DPH6: variants seen among roughly 807,000 people sequenced by gnomAD.
DPH6 encodes diphthamine biosynthesis 6.
Under a neutral mutation model 38.2 loss-of-function variants are expected in DPH6, and 33 were observed. The observed-to-expected ratio is 0.86, with a 90% CI of 0.65 to 1.15. DPH6 has a LOEUF of 1.15. Ranked by LOEUF, DPH6 falls within the 50% of genes most tolerant of loss-of-function variation. The pLI, the probability that DPH6 is intolerant of heterozygous loss-of-function variation, is 0.00. For missense variants in DPH6, 325 were observed against 320.0 expected (o/e 1.02, Z -0.12); for synonymous variants, 108 against 103.0 (o/e 1.05, Z -0.30).
chr15:35,520,220 C>CAAAAAAAAAAAAAAAAAAA (rs1353792195), intron 3 of DPH6: 8 of 435,330 alleles, frequency 1.8e-5, no homozygotes, highest in African/African-American at 7.0e-5. Context: ...AAACATGCTA[C>CAAAAAAAAAAAAAAAAAAA]AAAAAAAAAC....
chr15:35,448,457 T>G (rs923543994), intron 5 of DPH6, among the ~76,000 whole-genome samples: 16 of 152,110 alleles, frequency 1.1e-4, no homozygotes, highest in Non-Finnish European at 2.1e-4. Context: ...AATTTGATTG[T>G]GAAATATCAT....
the DPH6 span, among the ~76,000 whole-genome samples, chr15:35,196,928 A>C: frequency 6.6e-6 from 1 of 152,200 alleles, no homozygotes; most frequent in African/African-American, 2.4e-5. Context: ...TCTTGAATAA[A>C]TTATATATTA....
chr15:35,330,454 C>T (rs549606404), downstream of DPH6, among the ~76,000 whole-genome samples: 1 of 152,238 alleles, frequency 6.6e-6, no homozygotes. Context: ...ATCTGGCTCA[C>T]GTGATTCCCA....
At chr15:35,396,669 T>G (rs1277739715) in intron 6 of DPH6, among the ~76,000 whole-genome samples, 1 of 152,176 alleles carries the variant, frequency 6.6e-6, no homozygotes, top group Non-Finnish European at 1.5e-5. Flanking sequence ...CATTTTAATA[T>G]ATCTTATAAT....
intron 3 of DPH6, chr15:35,538,007 T>C: frequency 4.2e-6 from 1 of 236,946 alleles, no homozygotes; most frequent in East Asian, 8.4e-5. Flanking sequence ...CTAATCTTTC[T>C]TTTCCTTAGG....
downstream of DPH6, among the ~76,000 whole-genome samples, chr15:35,329,048 T>C (rs2052307538): frequency 3.9e-5 from 6 of 152,158 alleles, no homozygotes; most frequent in Admixed American, 3.9e-4. Flanking sequence ...TATCTCCCAC[T>C]GGGTCCCTCC....
At chr15:35,221,653 A>G (rs2051442840) in intron 3 of DPH6, among the ~76,000 whole-genome samples, 2 of 152,288 alleles carry the variant, frequency 1.3e-5, no homozygotes, top group Admixed American at 6.5e-5. Flanking sequence ...TTGTTCTCCC[A>G]TTGTCTTGAT....
intron 3 of DPH6, among the ~76,000 whole-genome samples, chr15:35,477,301 A>G (rs1326210944): frequency 6.6e-6 from 1 of 151,814 alleles, no homozygotes; most frequent in Non-Finnish European, 1.5e-5. Context: ...CTTAATGAAT[A>G]TTTGAGGGGA....
intron 3 of DPH6, among the ~76,000 whole-genome samples, chr15:35,526,163 A>G (rs2054998759): frequency 6.6e-6 from 1 of 152,196 alleles, no homozygotes; most frequent in Admixed American, 6.5e-5. Context: ...TCAAATGATC[A>G]TTGTTCTCCC....
At chr15:35,230,989 C>A (rs898793998) in intron 3 of DPH6, among the ~76,000 whole-genome samples, 1 of 152,178 alleles carries the variant, frequency 6.6e-6, no homozygotes, top group Non-Finnish European at 1.5e-5. Context: ...GGGTGATGCC[C>A]GTACTCCCTT....
At chr15:35,341,331 T>C (rs73376724) in intron 3 of DPH6, among the ~76,000 whole-genome samples, 4,571 of 151,778 alleles carry the variant, frequency 0.03, 235 homozygotes, top group African/African-American at 0.11. Context: ...TTAGCTCAGT[T>C]AAGTTCATTA....
chr15:35,540,573 T>C (rs1198978394), intron 2 of DPH6, among the ~76,000 whole-genome samples: 1 of 152,140 alleles, frequency 6.6e-6, no homozygotes, highest in East Asian at 1.9e-4. Context: ...TCTGTTTTCT[T>C]CTACAACAAT....
intron 5 of DPH6, among the ~76,000 whole-genome samples, chr15:35,440,118 G>C (rs1376440165): frequency 2.0e-5 from 3 of 152,182 alleles, no homozygotes; most frequent in Non-Finnish European, 4.4e-5. Context: ...CAGCTCAGAA[G>C]GAACAAAAGG....
chr15:35,385,968 G>A (rs2052948701), intron 6 of DPH6, among the ~76,000 whole-genome samples: 1 of 152,006 alleles, frequency 6.6e-6, no homozygotes, highest in African/African-American at 2.4e-5. Context: ...TTAGCATTAG[G>A]TATATCTCCT....
chr15:35,212,355 TA>T (rs2051393170), downstream of DPH6, among the ~76,000 whole-genome samples: 1 of 152,038 alleles, frequency 6.6e-6, no homozygotes, highest in Non-Finnish European at 1.5e-5. Flanking sequence ...TCAACCTGAG[TA>T]GATGGAAGAG....
At chr15:35,526,775 A>G (rs1339803329) in intron 3 of DPH6, among the ~76,000 whole-genome samples, 1 of 152,224 alleles carries the variant, frequency 6.6e-6, no homozygotes. Context: ...AAATTCTAAA[A>G]GAACATGCCA....
the DPH6 span, among the ~76,000 whole-genome samples, chr15:35,201,469 G>A: frequency 6.6e-6 from 1 of 151,676 alleles, no homozygotes; most frequent in Non-Finnish European, 1.5e-5. Context: ...TATTCTGAAT[G>A]CTAACCATTT....
intron 3 of DPH6, among the ~76,000 whole-genome samples, chr15:35,259,924 A>G (rs1441271602): frequency 2.0e-5 from 3 of 152,228 alleles, no homozygotes; most frequent in African/African-American, 7.2e-5. Context: ...AGCAAGTCAA[A>G]TGGTAGCCAG....
intron 3 of DPH6, among the ~76,000 whole-genome samples, chr15:35,483,220 C>T (rs1033261412): frequency 2.0e-5 from 3 of 152,030 alleles, no homozygotes; most frequent in Admixed American, 6.6e-5. Context: ...AATCCCAGCA[C>T]TTTGGAGTGC....
Sources: gnomAD v4.1 joint callset for allele counts (sites outside exome capture counted in the v4.1 genomes callset) on GRCh38, gnomAD v4.1.1 for gene constraint, MANE v1.5 for transcripts, NCBI Gene and HGNC (gene_info 2026-07-23, HGNC 2026-07-21) for gene names.